The following C9orf50 variants were observed in gnomAD, a reference collection of about 807,000 sequenced individuals.
C9orf50 encodes the protein uncharacterized protein C9orf50.
In C9orf50, 33 loss-of-function variants were observed where a neutral mutation model predicts 42.5. That is an observed-to-expected ratio of 0.78 (90% CI 0.59 to 1.04). The LOEUF (loss-of-function observed/expected upper bound fraction) is 1.04, where lower values mean the gene tolerates loss of function less well. C9orf50 is among the 50% of genes least tolerant of loss of function. The pLI is 0.00. For synonymous variants in C9orf50, 257 were observed against 273.4 expected (o/e 0.94, Z 0.59); for missense variants, 547 against 594.3 (o/e 0.92, Z 0.83).
At chr9:129,612,951 A>G (rs1367580358) in intron 6 of C9orf50, among the ~76,000 whole-genome samples, 156 bp downstream of exon 6, 1 of 152,120 alleles carries the variant, frequency 6.6e-6, no homozygotes, top group African/African-American at 2.4e-5. Flanking sequence ...ATGCAGGAAC[A>G]CAGGGCGTGG....
At chr9:129,612,583 G>A in intron 6 of C9orf50, 129 bp from the exon 7 acceptor site, 1 of 708,936 alleles carries the variant, frequency 1.4e-6, no homozygotes, top group South Asian at 1.7e-5. Context: ...AAAAGATGAG[G>A]AAACAAATGC....
rs1036076480 is a variant in C9orf50, at chr9:129,614,881, G to A, written c.880+603C>T. On this transcript the variant is annotated intron_variant, in intron 4 of 6. Transcript: ENST00000372478. This position sits in a 1 kb window ranked among gnomAD's most constrained non-coding sequence, Gnocchi z 4.4. Reference sequence around the variant, plus strand: ...CGCGCCACTGCACTCCAGCCTGGGCGACAGAGTGAGACTCCGTATCAGAAA... The same window carrying A: ...CGCGCCACTGCACTCCAGCCTGGGCAACAGAGTGAGACTCCGTATCAGAAA... 1.3e-5 allele frequency among the ~76,000 whole-genome samples: 2 copies of A among 151,980 alleles called. No homozygotes were observed. Among genetic ancestry groups the A allele is most frequent in the East Asian group, 1.9e-4 (1 of 5,186 alleles).
chr9:129,621,608 T>G (rs561207798), upstream of C9orf50, among the ~76,000 whole-genome samples: 1 of 152,326 alleles, frequency 6.6e-6, no homozygotes, highest in South Asian at 2.1e-4. Context: ...GCTCAAGTGA[T>G]CCACTTGCCT....
chr9:129,615,360 G>T, intron 4 of C9orf50, 124 bp downstream of exon 4: 1 of 1,061,636 alleles, frequency 9.4e-7, no homozygotes, highest in Non-Finnish European at 1.3e-6. Context: ...ATCCTCTGCA[G>T]GATCACTGAT....
rs762269773 is a variant in C9orf50, at chr9:129,620,496, T to A, written c.79A>T (p.Ser27Cys). The stretch of plus-strand genomic sequence containing the variant: ...AGCTTGGGCAGCCGCGGGTCGCTGC[T>A]GCGTCGGAAGTCTCCGTCGCCAGGG... The change falls in exon 1 of 7, where the codon AGC (serine) becomes TGC (cysteine). Residue 27 changes from serine (S) to cysteine (C), a missense_variant. Physicochemically the swap from Ser to Cys is moderately radical, Grantham distance 112. Coordinates refer to ENST00000372478, the Ensembl canonical transcript of C9orf50. This position sits in a 1 kb window ranked among gnomAD's most constrained non-coding sequence, Gnocchi z 5.8. 1 of 1,418,242 alleles carries A rather than the reference T, an allele frequency of 7.1e-7. No individual in the cohort carries two copies. Among genetic ancestry groups the A allele is most frequent in the South Asian group, 1.5e-5 (1 of 67,982 alleles). 87.9% of individuals were successfully genotyped at this position (1,418,242 alleles called of 1,614,324 possible). A position where few individuals can be genotyped will look rare whatever the true frequency, so the allele number is the denominator to read the frequency against.
chr9:129,612,858 G>T (rs563835772), intron 6 of C9orf50, among the ~76,000 whole-genome samples: 1 of 152,286 alleles, frequency 6.6e-6, no homozygotes, highest in Admixed American at 6.5e-5. Flanking sequence ...GAGGGGAGGG[G>T]AGGGGAGATG....
At chr9:129,612,543 T>G (rs759227293) in intron 6 of C9orf50, 89 bp from the exon 7 acceptor site, 31 of 1,004,302 alleles carry the variant, frequency 3.1e-5, no homozygotes, top group Non-Finnish European at 4.3e-5. Context: ...TGAAGCCCTG[T>G]TGGGCAGGTA....
At chr9:129,612,868 G>A (rs1217959594) in intron 6 of C9orf50, among the ~76,000 whole-genome samples, 2 of 152,166 alleles carry the variant, frequency 1.3e-5, no homozygotes, top group South Asian at 4.1e-4. Flanking sequence ...GAGGGGAGAT[G>A]CAGAAAGGAA....
rs769327680 is a variant in C9orf50 at position 129,613,191 on chromosome 9, G to T, written c.1104C>A (p.Pro368=). ...CAGCGGCCTTCTTCCATGAACAGAA[G>T]GGCAGGCTGCTGTTCATGGAGGTGT... The change falls in exon 6 of 7, where the codon CCC becomes CCA. Residue 368 remains proline (P), a synonymous_variant. Coordinates refer to ENST00000372478, the Ensembl canonical transcript of C9orf50. This position sits in a 1 kb window ranked among gnomAD's most constrained non-coding sequence, Gnocchi z 6.2. 6.2e-7 allele frequency: 1 copy of T among 1,613,698 alleles called. No homozygotes were observed. The highest frequency in any genetic ancestry group is 1.1e-5 in the South Asian group (1 of 91,080).
At chr9:129,615,056 C>G (rs1830287721) in intron 4 of C9orf50, among the ~76,000 whole-genome samples, 1 of 152,248 alleles carries the variant, frequency 6.6e-6, no homozygotes, top group South Asian at 2.1e-4. Context: ...TTCTGGGCAC[C>G]TCCTCAGGCA....
Position 129,613,713 on chromosome 9 carries a change from C to A in C9orf50, c.881-116G>T. On this transcript the variant is annotated intron_variant, in intron 4 of 6. Coordinates refer to ENST00000372478, the Ensembl canonical transcript of C9orf50. The surrounding 1 kb of genome is among the most constrained non-coding windows in gnomAD (Gnocchi z 6.2). ...GTCAGAGCCCTGTCTCCATGGCAAC[C>A]CCAGGCTCCCCAGCGCCTTCTGGCT... 1.6e-6 allele frequency: 2 copies of A among 1,289,164 alleles called. No homozygotes were observed. The highest frequency in any genetic ancestry group is 4.8e-5 in the East Asian group (2 of 41,908). The allele number at this position is 1,289,164 out of a possible 1,614,324, so 79.9% of individuals were successfully genotyped here.
intron 2 of C9orf50, 28 bp downstream of exon 2, chr9:129,619,712 C>G (rs1830575864): frequency 1.9e-6 from 3 of 1,612,828 alleles, no homozygotes; most frequent in Non-Finnish European, 2.5e-6. Flanking sequence ...GCAACCCCGT[C>G]CCCACCAAGA....
At chr9:129,612,278 T>C in exon 7 of C9orf50, 2 of 1,350,392 alleles carry the variant, frequency 1.5e-6, no homozygotes, top group South Asian at 1.2e-5. Context: ...TGCCTTTATT[T>C]GTGGGGCAAG....
At position 129,613,045 on chromosome 9, in the gene C9orf50, G is replaced by A. The variant is rs41276770; in HGVS notation, c.1188+62C>T. ...CACTCCACCAAACAGGGCTGCTCCC[G>A]GAGCCAGCTGCCAGCAGGGGCTCAC... On this transcript the variant is annotated intron_variant, in intron 6 of 6. Coordinates refer to ENST00000372478, the Ensembl canonical transcript of C9orf50. The surrounding 1 kb of genome is among the most constrained non-coding windows in gnomAD (Gnocchi z 6.2). 3,648 of 1,601,374 alleles carry A rather than the reference G, an allele frequency of 2.3e-3. 6 individuals carry two copies. Among genetic ancestry groups the A allele is most frequent in the Middle Eastern group, 8.2e-3 (44 of 5,388 alleles).
In C9orf50 at chr9:129,620,085, C is replaced by G. The variant is rs1240801459; in HGVS notation, c.490G>C (p.Glu164Gln). ...GCCTCACTCAGTGGCTCCGGCTCCTCGGCGCACTTCTCCTGGAGCTGGTGC... is the reference window on the plus strand; with the variant it reads ...GCCTCACTCAGTGGCTCCGGCTCCTGGGCGCACTTCTCCTGGAGCTGGTGC... Residue 164 changes from glutamate (E) to glutamine (Q), a missense_variant, in exon 1 of 7, where the codon GAG becomes CAG. Around this residue, in one of 3 missense-constraint regions of C9orf50, gnomAD observed 108 missense variants for 172.1 expected, o/e 0.63. Transcript: ENST00000372478. The surrounding 1 kb of genome is among the most constrained non-coding windows in gnomAD (Gnocchi z 5.8). 1 of 1,451,710 alleles carries G rather than the reference C, an allele frequency of 6.9e-7. No homozygotes were observed. Among genetic ancestry groups the G allele is most frequent in the East Asian group, 2.5e-5 (1 of 39,956 alleles). 89.9% of individuals were successfully genotyped at this position (1,451,710 alleles called of 1,614,324 possible).
chr9:129,620,386 C>A lies in C9orf50; in HGVS notation c.189G>T (p.Pro63=). ...CCACCCCGGGCTTGGCGTCCCCTTC[C>A]GGCCACCACGCGGCGCCGCCCCCCG... Residue 63 remains proline (P), a synonymous_variant, in exon 1 of 7, where the codon CCG becomes CCT. Transcript: ENST00000372478. The surrounding 1 kb of genome is among the most constrained non-coding windows in gnomAD (Gnocchi z 5.8). 8.1e-7 allele frequency: 1 copy of A among 1,231,816 alleles called. No homozygotes were observed. The highest frequency in any genetic ancestry group is 1.0e-6 in the Non-Finnish European group (1 of 987,960). The allele number at this position is 1,231,816 out of a possible 1,614,324, so 76.3% of individuals were successfully genotyped here.
intron 6 of C9orf50, among the ~76,000 whole-genome samples, chr9:129,612,847 A>G (rs184889697): frequency 1.3e-3 from 200 of 152,108 alleles, no homozygotes; most frequent in African/African-American, 4.0e-3. Flanking sequence ...CAAAGAGAGG[A>G]GAGGGGAGGG....
At chr9:129,615,573 G>T (rs767130848) in exon 4 of C9orf50, 2 of 1,608,690 alleles carry the variant, frequency 1.2e-6, no homozygotes, top group Non-Finnish European at 1.7e-6. Context: ...CTGCCTGCAG[G>T]GCCTAGAGCC....
chr9:129,615,419 C>T, intron 4 of C9orf50, 65 bp downstream of exon 4: 1 of 1,474,228 alleles, frequency 6.8e-7, no homozygotes, highest in Non-Finnish European at 9.0e-7. Flanking sequence ...CCCGGAGCTA[C>T]AGCCTCTCTG....
Sources: allele counts gnomAD v4.1 joint callset (sites outside exome capture counted in the v4.1 genomes callset), GRCh38; gene constraint gnomAD v4.1.1; regional missense constraint gnomAD v4.1.1; non-coding constraint Gnocchi (gnomAD v3.1); transcripts MANE v1.5; gene names NCBI Gene and HGNC (gene_info 2026-07-23, HGNC 2026-07-21).